MICU1: variants seen among roughly 807,000 people sequenced by gnomAD.
MICU1 encodes the protein mitochondrial calcium uptake 1.
Under a neutral mutation model 56.8 loss-of-function variants are expected in MICU1, and 45 were observed. The ratio of observed to expected loss-of-function variants is 0.79; its 90% confidence interval spans 0.62 to 1.02. The LOEUF (loss-of-function observed/expected upper bound fraction) is 1.02, where lower values mean the gene tolerates loss of function less well. MICU1 is among the 50% of genes least tolerant of loss of function. The probability of loss-of-function intolerance (pLI) is 0.00; values close to 1 mark genes in which losing one functional copy is unlikely to be tolerated. For synonymous variants in MICU1, 186 were observed against 195.1 expected, an observed-to-expected ratio of 0.95 and a Z score of 0.39; for missense variants, 504 against 587.1, an observed-to-expected ratio of 0.86 and a Z score of 1.46.
At chr10:72,510,514 C>T (rs1039118349) in intron 5 of MICU1, among the ~76,000 whole-genome samples, 1 of 152,012 alleles carries the variant, frequency 6.6e-6, no homozygotes, top group Non-Finnish European at 1.5e-5. Context: ...CGTTGAAATC[C>T]CCAAAGATCA....
chr10:72,412,275 C>A (rs1275176687), intron 9 of MICU1, among the ~76,000 whole-genome samples: 2 of 152,116 alleles, frequency 1.3e-5, no homozygotes, highest in Non-Finnish European at 2.9e-5. Context: ...GACAAGAAGG[C>A]TACAACTTAT....
At chr10:72,533,627 T>C in intron 5 of MICU1, 119 bp downstream of exon 5, 3 of 701,708 alleles carry the variant, frequency 4.3e-6, no homozygotes, top group Middle Eastern at 4.1e-4. Flanking sequence ...AACCTAAGCA[T>C]GCTCTTTTGG....
chr10:72,604,624 A>G (rs1234095780), intron 1 of MICU1, among the ~76,000 whole-genome samples: 3 of 151,604 alleles, frequency 2.0e-5, no homozygotes, highest in African/African-American at 7.3e-5. Flanking sequence ...TTGCTCAAGT[A>G]CTTTTTAAAA....
intron 1 of MICU1, among the ~76,000 whole-genome samples, chr10:72,591,914 G>C (rs1841235610): frequency 6.6e-6 from 1 of 151,990 alleles, no homozygotes; most frequent in Non-Finnish European, 1.5e-5. Context: ...GAGAGGCTGA[G>C]GCAGGAGGAT....
intron 1 of MICU1, among the ~76,000 whole-genome samples, chr10:72,587,728 G>C (rs185802058): frequency 2.6e-5 from 4 of 152,176 alleles, no homozygotes; most frequent in Non-Finnish European, 4.4e-5. Context: ...AGGTTGCAGT[G>C]AGCTGAGATC....
intron 1 of MICU1, among the ~76,000 whole-genome samples, chr10:72,586,013 C>CT (rs71021511): frequency 0.032 from 2,413 of 74,424 alleles, 269 homozygotes; most frequent in East Asian, 0.16. Flanking sequence ...TTTTTTTTTT[C>CT]TTTTTTTTTT....
intron 11 of MICU1, among the ~76,000 whole-genome samples, chr10:72,374,166 G>A (rs1297508742): frequency 6.6e-6 from 1 of 152,186 alleles, no homozygotes; most frequent in Non-Finnish European, 1.5e-5. Flanking sequence ...TGTCACCCAG[G>A]CTGTAGTGCA....
chr10:72,551,370 T>C (rs777710587), intron 3 of MICU1, 29 bp from the exon 4 acceptor site: 2 of 1,553,164 alleles, frequency 1.3e-6, no homozygotes, highest in East Asian at 4.6e-5. Context: ...AAAGTGTTAC[T>C]ATATTAAGCA....
chr10:72,554,752 T>C (rs1292383024), intron 3 of MICU1, among the ~76,000 whole-genome samples: 2 of 152,190 alleles, frequency 1.3e-5, no homozygotes, highest in Non-Finnish European at 2.9e-5. Flanking sequence ...CCGTGGCTCA[T>C]GCCTGTAATC....
At position 72,375,834 on chromosome 10, in the gene MICU1, C is replaced by T; in HGVS notation, c.1219G>A (p.Glu407Lys). The T allele has an allele frequency of 6.2e-7, 1 of 1,613,446 alleles. No homozygotes were observed. The highest frequency in any genetic ancestry group is 8.5e-7 in the Non-Finnish European group (1 of 1,179,744). Reference sequence around the variant, plus strand: ...ACATCACACACGTGGTCTGAGAGCTCCACTTTAGCCACTGTCCTGGCCACC... The same window carrying T: ...ACATCACACACGTGGTCTGAGAGCTTCACTTTAGCCACTGTCCTGGCCACC... The part of the protein sequence containing the change: ...QQVARTVAKV[E>K]LSDHVCDVVF... Residue 407 changes from glutamate to lysine, a missense_variant, in exon 11 of 12, where the codon GAG becomes AAG. Glu to Lys is a moderately conservative substitution (Grantham distance 56). Transcript: ENST00000361114.
At chr10:72,407,559 C>T in intron 10 of MICU1, among the ~76,000 whole-genome samples, 1 of 152,106 alleles carries the variant, frequency 6.6e-6, no homozygotes, top group East Asian at 1.9e-4. Context: ...TAAAGCATTC[C>T]TTCTCATCAA....
intron 5 of MICU1, among the ~76,000 whole-genome samples, chr10:72,531,023 G>C (rs1186403848): frequency 6.6e-6 from 1 of 152,054 alleles, no homozygotes; most frequent in Non-Finnish European, 1.5e-5. Flanking sequence ...TGACAAAAAG[G>C]CTGAAGTTTA....
intron 3 of MICU1, among the ~76,000 whole-genome samples, chr10:72,553,965 T>G (rs1168327235): frequency 6.6e-6 from 1 of 152,124 alleles, no homozygotes; most frequent in Non-Finnish European, 1.5e-5. Context: ...TAGAAATCTG[T>G]TGAAGGATTT....
chr10:72,615,723 C>T (rs547336430), intron 1 of MICU1, among the ~76,000 whole-genome samples: 63 of 152,126 alleles, frequency 4.1e-4, no homozygotes, highest in Middle Eastern at 3.4e-3. Flanking sequence ...CGCGGTGGCT[C>T]ATCACGCCTG....
chr10:72,407,955 T>G lies in MICU1; in HGVS notation c.1154A>C (p.His385Pro), dbSNP rs1311647830. The change falls in exon 10 of 12, where the codon CAT becomes CCT. Residue 385 changes from histidine to proline, a missense_variant. His to Pro is a moderately conservative substitution (Grantham distance 77, BLOSUM62 -2). Coordinates refer to ENST00000361114, the MANE Select transcript of MICU1 (RefSeq NM_001195518.2). The stretch of plus-strand genomic sequence containing the variant: ...TTTATCAAGAGATGCTCCAGCCATA[T>G]GGTAAAAACTCAATGCAGTGTCCAC... ...NDVDTALSFY[H>P]MAGASLDKVT... is the part of the protein sequence containing the mutation. 1 of 1,612,866 alleles carries G rather than the reference T, an allele frequency of 6.2e-7. No homozygotes were observed. Among genetic ancestry groups the G allele is most frequent in the African/African-American group, 1.3e-5 (1 of 74,868 alleles).
At chr10:72,374,957 C>T (rs1031954230) in intron 11 of MICU1, among the ~76,000 whole-genome samples, 12 of 151,654 alleles carry the variant, frequency 7.9e-5, no homozygotes, top group African/African-American at 2.2e-4. Flanking sequence ...ATTTCAGGCA[C>T]GCACCACTGT....
intron 8 of MICU1, among the ~76,000 whole-genome samples, chr10:72,463,955 T>C (rs1231634386): frequency 6.6e-6 from 1 of 152,202 alleles, no homozygotes; most frequent in Non-Finnish European, 1.5e-5. Context: ...CTTAGATATG[T>C]TTACTTACAC....
intron 8 of MICU1, among the ~76,000 whole-genome samples, chr10:72,459,014 C>G (rs1865567450): frequency 6.6e-6 from 1 of 151,908 alleles, no homozygotes. Context: ...CAGGCATGAG[C>G]CACTGCACCT....
chr10:72,417,733 C>T (rs905535286), intron 9 of MICU1, among the ~76,000 whole-genome samples: 4 of 152,190 alleles, frequency 2.6e-5, no homozygotes, highest in African/African-American at 9.7e-5. Flanking sequence ...TCAAGCACGG[C>T]AGGTTCCCCA....
Sources: allele counts gnomAD v4.1 joint callset (sites outside exome capture counted in the v4.1 genomes callset), GRCh38; gene constraint gnomAD v4.1.1; transcripts MANE v1.5; gene names NCBI Gene and HGNC (gene_info 2026-07-23, HGNC 2026-07-21).